Variants in IER5L observed in about 807,000 individuals in gnomAD.
IER5L encodes the protein immediate early response 5 like, also known as immediate early response gene 5-like protein.
A neutral mutation model predicts 28.3 loss-of-function variants in IER5L; 6 were observed. That is an observed-to-expected ratio of 0.21 (90% CI 0.12 to 0.42). The LOEUF (loss-of-function observed/expected upper bound fraction) is 0.42. IER5L is among the 10% of genes least tolerant of loss of function. IER5L has a pLI of 1.00. For missense variants in IER5L, 607 were observed against 575.2 expected (o/e 1.06, Z -0.56); for synonymous variants, 351 against 282.5 (o/e 1.24, Z -2.43).
In IER5L at chr9:129,177,582, G is replaced by A. The variant is rs1481366329; in HGVS notation, c.471C>T (p.Pro157=). ...AGGAGALSEL[P]GCAALQPPHG... Reference sequence around the variant, plus strand: ...GCGGCGGCTGGAGCGCGGCGCACCCGGGCAGCTCCGAGAGCGCCCCCGCGC... The same window carrying A: ...GCGGCGGCTGGAGCGCGGCGCACCCAGGCAGCTCCGAGAGCGCCCCCGCGC... Residue 157 remains proline (P), a synonymous_variant, in exon 1 of 1, where the codon CCC becomes CCT. Transcript: ENST00000372491. 5 of 993,302 alleles carry A rather than the reference G, an allele frequency of 5.0e-6. No homozygotes were observed. The African/African-American group carries it at 5.3e-5, about 10-fold the overall frequency. The allele number at this position is 993,302 out of a possible 1,614,324, so 61.5% of individuals were successfully genotyped here. A position where few individuals can be genotyped will look rare whatever the true frequency, so the allele number is the denominator to read the frequency against.
Position 129,177,720 on chromosome 9 carries a change from C to T in IER5L, c.333G>A (p.Leu111=). 6.9e-7 allele frequency: 1 copy of T among 1,441,896 alleles called. No homozygotes were observed. Among genetic ancestry groups the T allele is most frequent in the Non-Finnish European group, 9.1e-7 (1 of 1,101,538 alleles). The allele number at this position is 1,441,896 out of a possible 1,614,324, so 89.3% of individuals were successfully genotyped here. ...EAREPAARHQ[L]HQLHQLHQLH... ...GCTGGTGGAGCTGGTGGAGCTGGTG[C>T]AGCTGGTGCCGGGCGGCCGGCTCGC... Residue 111 remains leucine, a synonymous_variant, in exon 1 of 1, where the codon CTG becomes CTA. Coordinates refer to ENST00000372491, the MANE Select transcript of IER5L (RefSeq NM_203434.3).
Position 129,176,397 on chromosome 9 carries a change from C to T in IER5L, c.*441G>A, listed in dbSNP as rs1017436605. 2.0e-5 allele frequency: 3 copies of T among 152,208 alleles called. No individual in the cohort carries two copies. The highest frequency in any genetic ancestry group is 7.2e-5 in the African/African-American group (3 of 41,394). The allele number at this position is 152,208 out of a possible 1,614,324, so 9.4% of individuals were successfully genotyped here. A position where few individuals can be genotyped will look rare whatever the true frequency, so the allele number is the denominator to read the frequency against. On this transcript the variant is annotated 3_prime_UTR_variant, in exon 1 of 1. Coordinates refer to ENST00000372491, the MANE Select transcript of IER5L (RefSeq NM_203434.3). ...CGGGAGAGCGGAACGTCGGGCTTCC[C>T]GGGTCTGACAACTGATTGGAATCGG...
rs1336350828 is a variant in IER5L at position 129,177,999 on chromosome 9, G to C, written c.54C>G (p.Ile18Met). 3.8e-6 allele frequency: 6 copies of C among 1,572,364 alleles called. No homozygotes were observed. The highest frequency in any genetic ancestry group is 1.8e-5 in the Admixed American group (1 of 55,762). ...QSLISISLRK[I>M]HSSRTQRGGI... is the part of the protein sequence containing the mutation. ...CGCCGCGCTGGGTTCGGGAGCTGTG[G>C]ATCTTGCGCAGGGAGATGCTGATCA... Residue 18 changes from isoleucine to methionine, a missense_variant, in exon 1 of 1, where the codon ATC becomes ATG. Physicochemically the swap from Ile to Met is conservative, Grantham distance 10 (BLOSUM62 1). Transcript: ENST00000372491.
At position 129,177,057 on chromosome 9, in the gene IER5L, G is replaced by A. The variant is rs1218489683; in HGVS notation, c.996C>T (p.Ala332=). ...GAEPPGGAPF[A]PCKRARFEDF... is the part of the protein sequence containing the mutation. ...CCTCGAAGCGGGCGCGCTTGCAGGG[G>A]GCGAACGGGGCGCCCCCGGGGGGCT... The change falls in exon 1 of 1, where the codon GCC becomes GCT. Residue 332 remains alanine (A), a synonymous_variant. Coordinates refer to ENST00000372491, the MANE Select transcript of IER5L (RefSeq NM_203434.3). 6.6e-7 allele frequency: 1 copy of A among 1,516,314 alleles called. No individual in the cohort carries two copies. Among genetic ancestry groups the A allele is most frequent in the South Asian group, 1.2e-5 (1 of 80,076 alleles). The allele number at this position is 1,516,314 out of a possible 1,614,324, so 93.9% of individuals were successfully genotyped here. A position where few individuals can be genotyped will look rare whatever the true frequency, so the allele number is the denominator to read the frequency against.
rs763113414 is a variant in IER5L, at chr9:129,176,933, A to G, written c.1120T>C (p.Ser374Pro). The change falls in exon 1 of 1, where the codon TCC (serine) becomes CCC (proline). Residue 374 changes from serine to proline, a missense_variant. Coordinates refer to ENST00000372491, the MANE Select transcript of IER5L (RefSeq NM_203434.3). Reference sequence around the variant, plus strand: ...TTGAGCGGCGGCGGCTGCTCCGAGGAGTCCGGCTGTCGGCTCACCAGCCCC... The same window carrying G: ...TTGAGCGGCGGCGGCTGCTCCGAGGGGTCCGGCTGTCGGCTCACCAGCCCC... ...FSGLVSRQPD[S>P]SEQPPPLNGQ... The G allele has an allele frequency of 6.2e-7, 1 of 1,604,420 alleles. No individual in the cohort carries two copies. The highest frequency in any genetic ancestry group is 2.3e-5 in the East Asian group (1 of 43,998).
rs924992108 is a variant in IER5L at position 129,178,233 on chromosome 9, G to C, written c.-181C>G. ...CGCCGCGCGCCACCCGCGGGCTCGC[G>C]CTCCCCAGACGGCGCCAAAGCAATG... On this transcript the variant is annotated 5_prime_UTR_variant, in exon 1 of 1. Coordinates refer to ENST00000372491, the MANE Select transcript of IER5L (RefSeq NM_203434.3). The C allele has an allele frequency of 6.3e-6, 3 of 478,236 alleles. No homozygotes were observed. Among genetic ancestry groups the C allele is most frequent in the Non-Finnish European group, 1.0e-5 (3 of 288,872 alleles). 29.6% of individuals were successfully genotyped at this position (478,236 alleles called of 1,614,324 possible).
rs759720182 is a variant in IER5L, at chr9:129,178,076, G to T, written c.-24C>A. 7.2e-7 allele frequency: 1 copy of T among 1,387,766 alleles called. No homozygotes were observed. Among genetic ancestry groups the T allele is most frequent in the Non-Finnish European group, 9.3e-7 (1 of 1,069,610 alleles). The allele number at this position is 1,387,766 out of a possible 1,614,324, so 86.0% of individuals were successfully genotyped here. A position where few individuals can be genotyped will look rare whatever the true frequency, so the allele number is the denominator to read the frequency against. On this transcript the variant is annotated 5_prime_UTR_variant, in exon 1 of 1. Coordinates refer to ENST00000372491, the MANE Select transcript of IER5L (RefSeq NM_203434.3). Reference sequence around the variant, plus strand: ...ATGCTCCCGCGGAGACGGCGGCGGAGCAGCCGCCGCCGCTGCTGCTGTTAA... The same window carrying T: ...ATGCTCCCGCGGAGACGGCGGCGGATCAGCCGCCGCCGCTGCTGCTGTTAA...
At position 129,177,912 on chromosome 9, in the gene IER5L, G is replaced by A; in HGVS notation, c.141C>T (p.Tyr47=). 1 of 1,560,464 alleles carries A rather than the reference G, an allele frequency of 6.4e-7. No individual in the cohort carries two copies. Among genetic ancestry groups the A allele is most frequent in the Non-Finnish European group, 8.7e-7 (1 of 1,153,762 alleles). The change falls in exon 1 of 1, where the codon TAC becomes TAT. Residue 47 remains tyrosine (Y), a synonymous_variant. Coordinates refer to ENST00000372491, the MANE Select transcript of IER5L (RefSeq NM_203434.3). ...SYVLRNARQL[Y]LSERYAELYR... is the part of the protein sequence containing the mutation. ...AGAGCTCGGCGTAGCGCTCGCTCAG[G>A]TAGAGCTGGCGCGCGTTGCGGAGCA...
In IER5L at chr9:129,176,659, T is replaced by G; in HGVS notation, c.*179A>C. 6.9e-6 allele frequency: 6 copies of G among 869,672 alleles called. No individual in the cohort carries two copies. Among genetic ancestry groups the G allele is most frequent in the East Asian group, 3.3e-5 (1 of 29,858 alleles). The allele number at this position is 869,672 out of a possible 1,614,324, so 53.9% of individuals were successfully genotyped here. A position where few individuals can be genotyped will look rare whatever the true frequency, so the allele number is the denominator to read the frequency against. ...TCTCTGCAAAAATAAAGTCCAAGAT[T>G]TTAGATTTCTTTTTTTTTTATTTTA... is the stretch of plus-strand genomic sequence containing the variant. On this transcript the variant is annotated 3_prime_UTR_variant, in exon 1 of 1. Coordinates refer to ENST00000372491, the MANE Select transcript of IER5L (RefSeq NM_203434.3).
rs1440737503 is a variant in IER5L, at chr9:129,178,171, GAGGTTCGGCTGCGCTCCGAA to G, written c.-139_-120del. 178 of 863,266 alleles carry G rather than the reference GAGGTTCGGCTGCGCTCCGAA, an allele frequency of 2.1e-4. No individual in the cohort carries two copies. Among genetic ancestry groups the G allele is most frequent in the Middle Eastern group, 3.9e-4 (1 of 2,536 alleles). 53.5% of individuals were successfully genotyped at this position (863,266 alleles called of 1,614,324 possible). On this transcript the variant is annotated 5_prime_UTR_variant, in exon 1 of 1. An upstream open reading frame in the 5' UTR loses its in-frame stop. Coordinates refer to ENST00000372491, the MANE Select transcript of IER5L (RefSeq NM_203434.3). The stretch of plus-strand genomic sequence containing the variant: ...GGCAGGGGTAACGGAGTCCGGGTCA[GAGGTTCGGCTGCGCTCCGAA>G]AGGAGCCGCCACCATGCGCCGCGCG...
chr9:129,177,053 A>G lies in IER5L; in HGVS notation c.1000T>C (p.Cys334Arg). 6.5e-7 allele frequency: 1 copy of G among 1,536,494 alleles called. No homozygotes were observed. The highest frequency in any genetic ancestry group is 1.4e-5 in the African/African-American group (1 of 70,052). The change falls in exon 1 of 1, where the codon TGC becomes CGC. Residue 334 changes from cysteine (C) to arginine (R), a missense_variant. Physicochemically the swap from Cys to Arg is radical, Grantham distance 180. Coordinates refer to ENST00000372491, the MANE Select transcript of IER5L (RefSeq NM_203434.3). ...EPPGGAPFAP[C>R]KRARFEDFCP... ...AAGTCCTCGAAGCGGGCGCGCTTGC[A>G]GGGGGCGAACGGGGCGCCCCCGGGG...
In IER5L at chr9:129,177,074, C is replaced by T. The variant is rs1265091873; in HGVS notation, c.979G>A (p.Gly327Arg). ...TTGCAGGGGGCGAACGGGGCGCCCC[C>T]GGGGGGCTCGGCCCCCAGCCCGCCC... ...DAGGLGAEPP[G>R]GAPFAPCKRA... Residue 327 changes from glycine to arginine, a missense_variant, in exon 1 of 1, where the codon GGG (glycine) becomes AGG (arginine). Coordinates refer to ENST00000372491, the MANE Select transcript of IER5L (RefSeq NM_203434.3). 2.7e-6 allele frequency: 4 copies of T among 1,482,648 alleles called. No homozygotes were observed. Among genetic ancestry groups the T allele is most frequent in the Non-Finnish European group, 3.6e-6 (4 of 1,117,360 alleles). The allele number at this position is 1,482,648 out of a possible 1,614,324, so 91.8% of individuals were successfully genotyped here. A position where few individuals can be genotyped will look rare whatever the true frequency, so the allele number is the denominator to read the frequency against.
Position 129,177,328 on chromosome 9 carries a change from G to T in IER5L, c.725C>A (p.Thr242Asn). 7.3e-7 allele frequency: 1 copy of T among 1,372,148 alleles called. No homozygotes were observed. Among genetic ancestry groups the T allele is most frequent in the Non-Finnish European group, 9.4e-7 (1 of 1,060,780 alleles). The allele number at this position is 1,372,148 out of a possible 1,614,324, so 85.0% of individuals were successfully genotyped here. Reference sequence around the variant, plus strand: ...GCAGTGCAAGCCGAAGTCCGAAGGGGTAGGGTATGCGCCCCGGTAGAAGCC... The same window carrying T: ...GCAGTGCAAGCCGAAGTCCGAAGGGTTAGGGTATGCGCCCCGGTAGAAGCC... ...SPGFYRGAYPTPSDFGLHCSS... is the reference protein window; with the variant it reads ...SPGFYRGAYPNPSDFGLHCSS... Residue 242 changes from threonine to asparagine, a missense_variant, in exon 1 of 1, where the codon ACC (threonine) becomes AAC (asparagine). By Grantham distance (65) the Thr-to-Asn change is moderately conservative. Coordinates refer to ENST00000372491, the MANE Select transcript of IER5L (RefSeq NM_203434.3).
Position 129,177,932 on chromosome 9 carries a change from G to C in IER5L, c.121C>G (p.Arg41Gly), listed in dbSNP as rs1454776518. ...HKNLLVSYVL[R>G]NARQLYLSER... The stretch of plus-strand genomic sequence containing the variant: ...CTCAGGTAGAGCTGGCGCGCGTTGC[G>C]GAGCACGTAGGACACCAGGAGGTTC... Residue 41 changes from arginine to glycine, a missense_variant, in exon 1 of 1, where the codon CGC (arginine) becomes GGC (glycine). Transcript: ENST00000372491. 6.4e-7 allele frequency: 1 copy of C among 1,573,720 alleles called. No homozygotes were observed. The highest frequency in any genetic ancestry group is 8.6e-7 in the Non-Finnish European group (1 of 1,161,276).
Position 129,178,002 on chromosome 9 carries a change from C to T in IER5L, c.51G>A (p.Lys17=). The part of the protein sequence containing the change: ...AQSLISISLR[K]IHSSRTQRGG... Reference sequence around the variant, plus strand: ...CGCGCTGGGTTCGGGAGCTGTGGATCTTGCGCAGGGAGATGCTGATCAGGC... The same window carrying T: ...CGCGCTGGGTTCGGGAGCTGTGGATTTTGCGCAGGGAGATGCTGATCAGGC... The change falls in exon 1 of 1, where the codon AAG becomes AAA. Residue 17 remains lysine, a synonymous_variant. Coordinates refer to ENST00000372491, the MANE Select transcript of IER5L (RefSeq NM_203434.3). 6.4e-7 allele frequency: 1 copy of T among 1,570,738 alleles called. No individual in the cohort carries two copies. Among genetic ancestry groups the T allele is most frequent in the East Asian group, 2.5e-5 (1 of 39,558 alleles).
rs1829429303 is a variant in IER5L, at chr9:129,177,431, AGGC to A, written c.619_621del (p.Ala207del). The A allele has an allele frequency of 8.3e-7, 1 of 1,205,818 alleles. No individual in the cohort carries two copies. Among genetic ancestry groups the A allele is most frequent in the East Asian group, 3.3e-5 (1 of 29,990 alleles). 74.7% of individuals were successfully genotyped at this position (1,205,818 alleles called of 1,614,324 possible). ...GGGGCGGCCCCTGGGGGCGCGGAGCAGGCGGCCGGGGCGCGAGGGTCCCGCGGG... is the reference window on the plus strand; with the variant it reads ...GGGGCGGCCCCTGGGGGCGCGGAGCAGGCCGGGGCGCGAGGGTCCCGCGGG... On this transcript the variant is annotated inframe_deletion, in exon 1 of 1. Transcript: ENST00000372491.
chr9:129,176,830 G>A lies in IER5L; in HGVS notation c.*8C>T. ...CGGGGCCCCGGGTCCCTGTGCCCTC[G>A]GGGGTCCCTAGAAGGCGACAATGGC... is the stretch of plus-strand genomic sequence containing the variant. On this transcript the variant is annotated 3_prime_UTR_variant, in exon 1 of 1. Transcript: ENST00000372491. 6.4e-7 allele frequency: 1 copy of A among 1,574,336 alleles called. No individual in the cohort carries two copies. The highest frequency in any genetic ancestry group is 8.6e-7 in the Non-Finnish European group (1 of 1,163,086).
chr9:129,176,944 C>A lies in IER5L; in HGVS notation c.1109G>T (p.Arg370Leu). The A allele has an allele frequency of 6.2e-7, 1 of 1,604,068 alleles. No individual in the cohort carries two copies. The highest frequency in any genetic ancestry group is 1.7e-4 in the Middle Eastern group (1 of 6,032). Reference sequence around the variant, plus strand: ...CGGCTGCTCCGAGGAGTCCGGCTGTCGGCTCACCAGCCCCGAGAAGCCGGA... The same window carrying A: ...CGGCTGCTCCGAGGAGTCCGGCTGTAGGCTCACCAGCCCCGAGAAGCCGGA... The part of the protein sequence containing the change: ...FGSGFSGLVS[R>L]QPDSSEQPPP... The change falls in exon 1 of 1, where the codon CGA becomes CTA. Residue 370 changes from arginine (R) to leucine (L), a missense_variant. Arg to Leu is a moderately radical substitution (Grantham distance 102). Coordinates refer to ENST00000372491, the MANE Select transcript of IER5L (RefSeq NM_203434.3).
rs746259693 is a variant in IER5L at position 129,177,244 on chromosome 9, C to T, written c.809G>A (p.Gly270Asp). ...DTHVVTTVEN[G>D]YLHQDCCASA... ...GGCGCAGCAGTCCTGGTGCAAGTAG[C>T]CGTTCTCCACCGTGGTCACCACGTG... Residue 270 changes from glycine to aspartate, a missense_variant, in exon 1 of 1, where the codon GGC (glycine) becomes GAC (aspartate). By Grantham distance (94) the Gly-to-Asp change is moderately conservative. Coordinates refer to ENST00000372491, the MANE Select transcript of IER5L (RefSeq NM_203434.3). 1.4e-6 allele frequency: 2 copies of T among 1,464,928 alleles called. No homozygotes were observed. The highest frequency in any genetic ancestry group is 8.9e-7 in the Non-Finnish European group (1 of 1,119,646). The allele number at this position is 1,464,928 out of a possible 1,614,324, so 90.7% of individuals were successfully genotyped here.
Sources: allele counts gnomAD v4.1 joint callset, GRCh38; gene constraint gnomAD v4.1.1; transcripts MANE v1.5; gene names NCBI Gene and HGNC (gene_info 2026-07-23, HGNC 2026-07-21).